Variants in ESRRB observed in about 807,000 individuals in gnomAD.
ESRRB encodes the protein steroid hormone receptor ERR2.
A neutral mutation model predicts 46.0 loss-of-function variants in ESRRB; 16 were observed. The ratio of observed to expected loss-of-function variants is 0.35; its 90% confidence interval spans 0.24 to 0.53. The LOEUF is 0.53. ESRRB is among the 20% of genes least tolerant of loss of function. The pLI is 0.93. For missense variants in ESRRB, 488 were observed against 607.4 expected, an observed-to-expected ratio of 0.80 and a Z score of 2.07; for synonymous variants, 246 against 259.6, an observed-to-expected ratio of 0.95 and a Z score of 0.50.
chr14:76,432,296 C>G (rs997684133), intron 1 of ESRRB, among the ~76,000 whole-genome samples: 14 of 152,220 alleles, frequency 9.2e-5, no homozygotes, highest in African/African-American at 3.4e-4. Flanking sequence ...TCACTCAGCC[C>G]CAGATGTTAG....
intron 1 of ESRRB, among the ~76,000 whole-genome samples, chr14:76,381,035 C>T (rs945840469): frequency 6.6e-6 from 1 of 152,236 alleles, no homozygotes; most frequent in South Asian, 2.1e-4. Context: ...GTTTCCCCTT[C>T]CTCAGCCCCA....
At chr14:76,426,925 G>A (rs906668327) in intron 1 of ESRRB, among the ~76,000 whole-genome samples, 1 of 152,328 alleles carries the variant, frequency 6.6e-6, no homozygotes, top group Middle Eastern at 3.4e-3. Flanking sequence ...ATGAGTGACA[G>A]TGTGTGAGCT....
At chr14:76,327,701 T>TTTGTTG (rs1413125765) in intron 1 of ESRRB, among the ~76,000 whole-genome samples, 2 of 151,988 alleles carry the variant, frequency 1.3e-5, no homozygotes, top group South Asian at 4.2e-4. Context: ...GCCTGTGCTT[T>TTTGTTG]TTGTTGTTGT....
chr14:76,420,636 T>G (rs1886913971), intron 1 of ESRRB, among the ~76,000 whole-genome samples: 1 of 101,880 alleles, frequency 9.8e-6, no homozygotes, highest in Non-Finnish European at 1.9e-5. Flanking sequence ...AGCAACACAT[T>G]TAGGTCAGTG....
intron 1 of ESRRB, among the ~76,000 whole-genome samples, chr14:76,348,511 A>T (rs1884275706): frequency 6.6e-6 from 1 of 152,210 alleles, no homozygotes; most frequent in Non-Finnish European, 1.5e-5. Flanking sequence ...AGACCTCAGA[A>T]TCATCCTTAG....
intron 3 of ESRRB, among the ~76,000 whole-genome samples, chr14:76,469,341 C>T (rs1258757663): frequency 3.3e-5 from 5 of 152,184 alleles, no homozygotes; most frequent in South Asian, 2.1e-4. Context: ...ATGATCTGCC[C>T]GCCTCAGCCT....
upstream of ESRRB, chr14:76,371,710 C>T (rs1402539303): frequency 6.6e-6 from 1 of 152,226 alleles, no homozygotes; most frequent in African/African-American, 2.4e-5. Flanking sequence ...AGCATTCCTA[C>T]ACTCACTGGA....
chr14:76,426,643 A>G (rs1887213467), intron 1 of ESRRB, among the ~76,000 whole-genome samples: 1 of 152,162 alleles, frequency 6.6e-6, no homozygotes, highest in African/African-American at 2.4e-5. Context: ...GAACTATGGT[A>G]TTGTCTCTCC....
At chr14:76,478,799 G>A (rs1380979266) in intron 3 of ESRRB, among the ~76,000 whole-genome samples, 1 of 152,060 alleles carries the variant, frequency 6.6e-6, no homozygotes, top group African/African-American at 2.4e-5. Flanking sequence ...AGCTTTTCTA[G>A]ACAGGGAACT....
In ESRRB at chr14:76,438,509, CA is replaced by C. The variant is rs1332041954; in HGVS notation, c.51-827del. ...AAATCCTATGTCTCTATTAAAAATA[CA>C]AAAATTAGCTGTGCATGACGGCGGG... On this transcript the variant is annotated intron_variant, in intron 1 of 6. Coordinates refer to ENST00000644823, the MANE Select transcript of ESRRB (RefSeq NM_001379180.1). Among the ~76,000 whole-genome samples the C allele has an allele frequency of 2.0e-5, 3 of 152,024 alleles. No homozygotes were observed. The East Asian group carries it at 5.8e-4, about 29-fold the overall frequency.
At chr14:76,315,232 T>G (rs1447363258) in intron 1 of ESRRB, among the ~76,000 whole-genome samples, 1 of 151,230 alleles carries the variant, frequency 6.6e-6, no homozygotes, top group Non-Finnish European at 1.5e-5. Context: ...GCTTTCGAGG[T>G]CCTCGCCTGG....
At chr14:76,351,927 G>A (rs907166514) in intron 1 of ESRRB, among the ~76,000 whole-genome samples, 4 of 148,438 alleles carry the variant, frequency 2.7e-5, no homozygotes, top group African/African-American at 1.0e-4. Context: ...CAAGGCTGCA[G>A]GGAACTATGA....
At chr14:76,388,377 A>G (rs1225094921) in intron 1 of ESRRB, among the ~76,000 whole-genome samples, 1 of 151,774 alleles carries the variant, frequency 6.6e-6, no homozygotes, top group African/African-American at 2.4e-5. Flanking sequence ...AAGGGGCTTC[A>G]CTGTTCATCC....
chr14:76,414,896 GC>G, intron 1 of ESRRB, among the ~76,000 whole-genome samples: 1 of 152,266 alleles, frequency 6.6e-6, no homozygotes. Flanking sequence ...CAAGTCCCCG[GC>G]CCTCTCAGGG....
chr14:76,500,614 T>G lies in ESRRB; in HGVS notation c.*2156T>G. On this transcript the variant is annotated 3_prime_UTR_variant, in exon 7 of 7. Coordinates refer to ENST00000644823, the MANE Select transcript of ESRRB (RefSeq NM_001379180.1). Reference sequence around the variant, plus strand: ...CAGCGGGGCCGAGGTAGCACCCTGCTCTGTCACTTCCTGCTCAAGCTGGAG... The same window carrying G: ...CAGCGGGGCCGAGGTAGCACCCTGCGCTGTCACTTCCTGCTCAAGCTGGAG... The G allele has an allele frequency of 1.4e-6, 2 of 1,471,742 alleles. No individual in the cohort carries two copies. The highest frequency in any genetic ancestry group is 1.9e-6 in the Non-Finnish European group (2 of 1,052,302). 91.2% of individuals were successfully genotyped at this position (1,471,742 alleles called of 1,614,324 possible).
intron 1 of ESRRB, among the ~76,000 whole-genome samples, chr14:76,354,381 A>G (rs1293578982): frequency 1.3e-5 from 2 of 152,062 alleles, no homozygotes; most frequent in Non-Finnish European, 2.9e-5. Flanking sequence ...TGCCAGGGAC[A>G]TGGCAAGTGC....
At chr14:76,312,637 CTT>C (rs1216821012) in intron 1 of ESRRB, among the ~76,000 whole-genome samples, 1 of 151,470 alleles carries the variant, frequency 6.6e-6, no homozygotes, top group Non-Finnish European at 1.5e-5. Context: ...GTTAAAGTGT[CTT>C]ATACATATAG....
At chr14:76,408,010 A>C (rs570128892) in intron 1 of ESRRB, among the ~76,000 whole-genome samples, 83 of 152,246 alleles carry the variant, frequency 5.5e-4, no homozygotes, top group African/African-American at 2.0e-3. Context: ...CAGGTCACAT[A>C]GGCACTGGCC....
rs567642078 is a variant in ESRRB, at chr14:76,314,849, G to A, written c.2+3933G>A. On this transcript the variant is annotated intron_variant, in intron 1 of 6. Transcript: ENST00000512784. Reference sequence around the variant, plus strand: ...TCAGAGCCATATGGCTGCCGAAACAGGCCCTGGCTCCCCTGGAGAGAGATT... The same window carrying A: ...TCAGAGCCATATGGCTGCCGAAACAAGCCCTGGCTCCCCTGGAGAGAGATT... 1.2e-4 allele frequency among the ~76,000 whole-genome samples: 18 copies of A among 152,120 alleles called. No individual in the cohort carries two copies. The South Asian group carries it at 3.5e-3, about 30-fold the overall frequency.
Sources: gnomAD v4.1 joint callset for allele counts (sites outside exome capture counted in the v4.1 genomes callset) on GRCh38, gnomAD v4.1.1 for gene constraint, MANE v1.5 for transcripts, NCBI Gene and HGNC (gene_info 2026-07-23, HGNC 2026-07-21) for gene names.